Variants in FAM13A observed in about 807,000 individuals in gnomAD.
The protein encoded by FAM13A is protein FAM13A.
In FAM13A, 76 loss-of-function variants were observed where a neutral mutation model predicts 129.6. That is an observed-to-expected ratio of 0.59 (90% CI 0.49 to 0.71). The LOEUF is 0.71. FAM13A is among the 30% of genes least tolerant of loss of function. The pLI, the probability that FAM13A is intolerant of heterozygous loss-of-function variation, is 0.00. For missense variants in FAM13A, 1,108 were observed against 1,249.3 expected (o/e 0.89, Z 1.70); for synonymous variants, 443 against 449.9 (o/e 0.98, Z 0.20).
chr4:88,731,526 G>T, intron 22 of FAM13A, 98 bp from the exon 23 acceptor site: 1 of 675,718 alleles, frequency 1.5e-6, no homozygotes, highest in Non-Finnish European at 2.5e-6. Flanking sequence ...AGAAAGGGGA[G>T]GCAAGTAAAT....
intron 10 of FAM13A, among the ~76,000 whole-genome samples, chr4:88,782,917 T>C (rs1440558146): frequency 1.3e-5 from 2 of 152,166 alleles, no homozygotes; most frequent in Non-Finnish European, 2.9e-5. Flanking sequence ...TATTTTACTA[T>C]TTAAATTCTA....
chr4:88,756,226 A>G (rs3960287), intron 14 of FAM13A, among the ~76,000 whole-genome samples: 76,986 of 152,096 alleles, frequency 0.51, 21,982 homozygotes, highest in Non-Finnish European at 0.65. Context: ...TAAAAAGGAT[A>G]AAGTATGCTT....
At chr4:88,741,498 G>A (rs563508566) in intron 19 of FAM13A, among the ~76,000 whole-genome samples, 25 of 152,314 alleles carry the variant, frequency 1.6e-4, no homozygotes, top group African/African-American at 5.3e-4. Flanking sequence ...CGGTACTGAC[G>A]AAGGGAACAT....
In FAM13A at chr4:88,771,151, A is replaced by ATTTTTTT. The variant is rs10674716; in HGVS notation, c.1459-3099_1459-3093dup. Reference sequence around the variant, plus strand: ...TGAAGAATGCTACAACCCGGAAAGCATTTTTTTTTTTTTTCAGAATGAAAC... The same window carrying ATTTTTTT: ...TGAAGAATGCTACAACCCGGAAAGCATTTTTTTTTTTTTTTTTTTTTCAGAATGAAAC... On this transcript the variant is annotated intron_variant, in intron 11 of 23. Transcript: ENST00000264344. Among the ~76,000 whole-genome samples the ATTTTTTT allele has an allele frequency of 7.0e-5, 10 of 143,530 alleles. 1 individual carries two copies. Among genetic ancestry groups the ATTTTTTT allele is most frequent in the East Asian group, 2.0e-4 (1 of 4,978 alleles). 94.2% of individuals were successfully genotyped at this position (143,530 alleles called of 152,430 possible).
chr4:89,012,558 A>C (rs1045211789), intron 3 of FAM13A, among the ~76,000 whole-genome samples: 1 of 152,252 alleles, frequency 6.6e-6, no homozygotes, highest in Admixed American at 6.5e-5. Flanking sequence ...AGAATCTCAG[A>C]GCTTCAGACA....
intron 21 of FAM13A, among the ~76,000 whole-genome samples, chr4:88,734,915 G>T (rs1187213170): frequency 6.6e-6 from 1 of 152,248 alleles, no homozygotes; most frequent in East Asian, 1.9e-4. Context: ...CCAGATCAAT[G>T]TAAGGACTAG....
At position 88,952,903 on chromosome 4, in the gene FAM13A, G is replaced by A. The variant is rs181322160; in HGVS notation, c.606-14662C>T. ...GCAGAGGTTGCAGTGAGTCGAGATC[G>A]TGCCACTGCACTCCAGCATGGGCAA... On this transcript the variant is annotated intron_variant, in intron 4 of 23. Transcript: ENST00000264344. 1.3e-3 allele frequency among the ~76,000 whole-genome samples: 197 copies of A among 152,210 alleles called. 2 individuals carry two copies. The highest frequency in any genetic ancestry group is 4.2e-3 in the African/African-American group (174 of 41,536).
chr4:88,749,917 GA>G lies in FAM13A; in HGVS notation c.1941-9del. 1 of 1,612,898 alleles carries G rather than the reference GA, an allele frequency of 6.2e-7. No homozygotes were observed. Among genetic ancestry groups the G allele is most frequent in the South Asian group, 1.1e-5 (1 of 90,980 alleles). Reference sequence around the variant, plus strand: ...AGAGAGGAGCTTCGCCGCCTGTGAAGAGTACGACTTGGGTCAGTTTCCCCAG... The same window carrying G: ...AGAGAGGAGCTTCGCCGCCTGTGAAGGTACGACTTGGGTCAGTTTCCCCAG... On this transcript the variant is annotated splice_polypyrimidine_tract_variant and intron_variant, in intron 15 of 23. Transcript: ENST00000264344.
intron 8 of FAM13A, among the ~76,000 whole-genome samples, chr4:88,791,952 C>G (rs374960075): frequency 5.5e-4 from 83 of 152,094 alleles, no homozygotes; most frequent in South Asian, 5.0e-3. Flanking sequence ...CTCTTTCGCC[C>G]AAGATAATTT....
intron 23 of FAM13A, chr4:88,729,854 G>A (rs1484010372): frequency 6.6e-6 from 1 of 152,196 alleles, no homozygotes; most frequent in African/African-American, 2.4e-5. Context: ...AATAGGCTTA[G>A]ATGAAAGACT....
chr4:89,023,710 C>T (rs1417652262), intron 2 of FAM13A, among the ~76,000 whole-genome samples: 1 of 152,182 alleles, frequency 6.6e-6, no homozygotes. Flanking sequence ...TTATCTCCCA[C>T]CCACAACTCT....
rs117847776 is a variant in FAM13A at position 88,977,055 on chromosome 4, T to C, written c.605+13918A>G. Among the ~76,000 whole-genome samples, 3 of 152,276 alleles carry C rather than the reference T, an allele frequency of 2.0e-5. No individual in the cohort carries two copies. In the East Asian group the frequency reaches 5.8e-4, roughly 29 times the overall value. Reference sequence around the variant, plus strand: ...TAACAATGATGCATTTCTCAGAACATATCCCTGTTGTTAAGAGATATGTCA... The same window carrying C: ...TAACAATGATGCATTTCTCAGAACACATCCCTGTTGTTAAGAGATATGTCA... On this transcript the variant is annotated intron_variant, in intron 4 of 23. Coordinates refer to ENST00000264344, the MANE Select transcript of FAM13A (RefSeq NM_014883.4).
intron 6 of FAM13A, among the ~76,000 whole-genome samples, chr4:88,870,967 C>T (rs7691345): frequency 0.091 from 13,806 of 152,204 alleles, 1,056 homozygotes; most frequent in African/African-American, 0.21. Flanking sequence ...GCAATATTTG[C>T]TGTTCTGCAG....
chr4:88,893,826 CA>C (rs10700709), intron 6 of FAM13A, among the ~76,000 whole-genome samples: 54 of 118,036 alleles, frequency 4.6e-4, no homozygotes, highest in South Asian at 1.8e-3. Context: ...GACTCCGTCT[CA>C]AAAAAAAAAA....
At chr4:88,839,152 C>T (rs1327649556) in intron 7 of FAM13A, among the ~76,000 whole-genome samples, 1 of 152,078 alleles carries the variant, frequency 6.6e-6, no homozygotes. Context: ...TTTAACTCTA[C>T]ACTTAGAAAC....
At chr4:88,848,819 C>T (rs536627035) in intron 7 of FAM13A, among the ~76,000 whole-genome samples, 4 of 152,210 alleles carry the variant, frequency 2.6e-5, no homozygotes, top group Non-Finnish European at 5.9e-5. Context: ...ATGATCTGAC[C>T]TATTTAGCTT....
chr4:88,869,866 C>G (rs376617936), intron 6 of FAM13A, among the ~76,000 whole-genome samples: 1 of 152,164 alleles, frequency 6.6e-6, no homozygotes, highest in Non-Finnish European at 1.5e-5. Flanking sequence ...GACGAAAGGA[C>G]TAACATGGTG....
intron 3 of FAM13A, among the ~76,000 whole-genome samples, chr4:89,003,008 G>A (rs1764463967): frequency 6.6e-6 from 1 of 151,994 alleles, no homozygotes. Context: ...TATAATATAG[G>A]AAGGATAACA....
chr4:88,759,002 A>G lies in FAM13A; in HGVS notation c.1579-101T>C, dbSNP rs1460797002. On this transcript the variant is annotated intron_variant, in intron 13 of 23. Transcript: ENST00000264344. ...TTCAGGATAAAACCTTCCAAGTCAC[A>G]GCTGCTAATGCATCCAGCACAGAAA... 5 of 1,214,438 alleles carry G rather than the reference A, an allele frequency of 4.1e-6. No individual in the cohort carries two copies. In the East Asian group the frequency reaches 9.4e-5, roughly 23 times the overall value. The allele number at this position is 1,214,438 out of a possible 1,614,324, so 75.2% of individuals were successfully genotyped here.
Sources: allele counts gnomAD v4.1 joint callset (sites outside exome capture counted in the v4.1 genomes callset), GRCh38; gene constraint gnomAD v4.1.1; transcripts MANE v1.5; gene names NCBI Gene and HGNC (gene_info 2026-07-23, HGNC 2026-07-21).